C6orf62: variants seen among roughly 807,000 people sequenced by gnomAD.
C6orf62 encodes the protein uncharacterized protein C6orf62.
C6orf62 carries 16 observed loss-of-function variants against 26.8 expected under a neutral mutation model. That is an observed-to-expected ratio of 0.60 (90% CI 0.40 to 0.91). C6orf62 has a LOEUF of 0.91. Ranked by LOEUF, C6orf62 falls within the 40% of genes least tolerant of loss-of-function variation. The pLI is 0.00. For missense variants in C6orf62, 192 were observed against 271.4 expected, an observed-to-expected ratio of 0.71 and a Z score of 2.06; for synonymous variants, 112 against 91.5, an observed-to-expected ratio of 1.22 and a Z score of -1.28.
At chr6:24,711,256 A>G (rs1027013076) in intron 3 of C6orf62, among the ~76,000 whole-genome samples, 1 of 151,894 alleles carries the variant, frequency 6.6e-6, no homozygotes. Flanking sequence ...ACACACACAC[A>G]AACACACACA....
At position 24,716,328 on chromosome 6, in the gene C6orf62, G is replaced by A. The variant is rs749036183; in HGVS notation, c.130-4C>T. The A allele has an allele frequency of 6.2e-7, 1 of 1,611,102 alleles. No homozygotes were observed. Among genetic ancestry groups the A allele is most frequent in the South Asian group, 1.1e-5 (1 of 90,984 alleles). On this transcript the variant is annotated splice_region_variant and splice_polypyrimidine_tract_variant and intron_variant, in intron 1 of 4. Transcript: ENST00000378119. ...CAAAAAGTGCTGACTTTTTCTTCTA[G>A]AAGAAAAGAAAATGGTGTATTAACC...
chr6:24,713,410 T>C (rs1267756170), intron 3 of C6orf62, among the ~76,000 whole-genome samples: 2 of 152,170 alleles, frequency 1.3e-5, no homozygotes, highest in Non-Finnish European at 2.9e-5. Flanking sequence ...CGGGAGAGTA[T>C]ATCAATTTAT....
Position 24,718,719 on chromosome 6 carries a change from G to A in C6orf62, c.-51C>T, listed in dbSNP as rs1393324081. Reference sequence around the variant, plus strand: ...CTTTGGAAATTGTCACTAAACTATGGGCACTTTTTCTTAAGACTCAAGTAC... The same window carrying A: ...CTTTGGAAATTGTCACTAAACTATGAGCACTTTTTCTTAAGACTCAAGTAC... On this transcript the variant is annotated 5_prime_UTR_variant, in exon 1 of 5. Transcript: ENST00000378119. 4.4e-6 allele frequency: 7 copies of A among 1,599,610 alleles called. No individual in the cohort carries two copies. The highest frequency in any genetic ancestry group is 5.9e-6 in the Non-Finnish European group (7 of 1,176,926).
In C6orf62 at chr6:24,716,147, CCCT is replaced by C; in HGVS notation, c.304_306del (p.Arg102del). ...AAGTCAAGACTTAAGGCAGAACTTA[CCCT>C]TCTCATAGACTGATATCGAGGAGCA... On this transcript the variant is annotated inframe_deletion and splice_region_variant, in exon 2 of 5. Coordinates refer to ENST00000378119, the MANE Select transcript of C6orf62 (RefSeq NM_030939.5). The C allele has an allele frequency of 6.2e-7, 1 of 1,612,642 alleles. No individual in the cohort carries two copies. The highest frequency in any genetic ancestry group is 8.5e-7 in the Non-Finnish European group (1 of 1,179,002).
intron 1 of C6orf62, 26 bp from the exon 2 acceptor site, chr6:24,716,350 AACCC>A (rs775249754): frequency 1.7e-5 from 27 of 1,574,908 alleles, no homozygotes; most frequent in Non-Finnish European, 8.7e-7. Context: ...ATGGTGTATT[AACCC>A]ACAGGGAGCA....
rs867707383 is a variant in C6orf62 at position 24,709,417 on chromosome 6, A to G, written c.430-506T>C. 2.1e-5 allele frequency: 21 copies of G among 983,984 alleles called. No homozygotes were observed. In the African/African-American group the frequency reaches 3.5e-4, roughly 16 times the overall value. The allele number at this position is 983,984 out of a possible 1,614,324, so 61.0% of individuals were successfully genotyped here. A position where few individuals can be genotyped will look rare whatever the true frequency, so the allele number is the denominator to read the frequency against. On this transcript the variant is annotated intron_variant, in intron 3 of 4. Coordinates refer to ENST00000378119, the MANE Select transcript of C6orf62 (RefSeq NM_030939.5). ...CATTGTTAATTGCTGTTTCTAAGAA[A>G]AAAAAAAAATAAATCTGTTTATTCT...
chr6:24,707,838 C>G (rs1779039248), intron 4 of C6orf62, among the ~76,000 whole-genome samples: 2 of 149,076 alleles, frequency 1.3e-5, no homozygotes, highest in South Asian at 4.2e-4. Flanking sequence ...CCTGTCTCTA[C>G]TAAAATACAA....
rs1779294640 is a variant in C6orf62, at chr6:24,718,935, G to A, written c.-267C>T. 33 of 1,238,188 alleles carry A rather than the reference G, an allele frequency of 2.7e-5. No individual in the cohort carries two copies. Among genetic ancestry groups the A allele is most frequent in the East Asian group, 9.0e-5 (2 of 22,320 alleles). 76.7% of individuals were successfully genotyped at this position (1,238,188 alleles called of 1,614,324 possible). ...AGACGGGAAAAAGGGAGGAAAGAAA[G>A]GAAAGAAAGAGGAGAAAATAACTAA... On this transcript the variant is annotated 5_prime_UTR_variant, in exon 1 of 5. Transcript: ENST00000378119.
At position 24,709,423 on chromosome 6, in the gene C6orf62, A is replaced by AT. The variant is rs905885756; in HGVS notation, c.430-513_430-512insA. ...TAATTGCTGTTTCTAAGAAAAAAAAAAAATAAATCTGTTTATTCTAACCCT... is the reference window on the plus strand; with the variant it reads ...TAATTGCTGTTTCTAAGAAAAAAAAATAAATAAATCTGTTTATTCTAACCCT... On this transcript the variant is annotated intron_variant, in intron 3 of 4. Transcript: ENST00000378119. 47 of 984,902 alleles carry AT rather than the reference A, an allele frequency of 4.8e-5. No homozygotes were observed. In the East Asian group the frequency reaches 9.1e-4, roughly 19 times the overall value. The allele number at this position is 984,902 out of a possible 1,614,324, so 61.0% of individuals were successfully genotyped here. A position where few individuals can be genotyped will look rare whatever the true frequency, so the allele number is the denominator to read the frequency against.
chr6:24,705,969 T>G lies in C6orf62; in HGVS notation c.*168A>C. On this transcript the variant is annotated 3_prime_UTR_variant, in exon 5 of 5. Transcript: ENST00000378119. ...CGACATCTAATTTTTGTTTAAGTTCTGAGATAAAAATGATTTAAAAAAATC... is the reference window on the plus strand; with the variant it reads ...CGACATCTAATTTTTGTTTAAGTTCGGAGATAAAAATGATTTAAAAAAATC... 8 of 1,038,128 alleles carry G rather than the reference T, an allele frequency of 7.7e-6. No homozygotes were observed. Among genetic ancestry groups the G allele is most frequent in the Non-Finnish European group, 1.1e-5 (8 of 752,180 alleles). The allele number at this position is 1,038,128 out of a possible 1,614,324, so 64.3% of individuals were successfully genotyped here.
intron 3 of C6orf62, among the ~76,000 whole-genome samples, chr6:24,710,870 T>C (rs936991902): frequency 6.6e-6 from 1 of 151,982 alleles, no homozygotes; most frequent in African/African-American, 2.4e-5. Context: ...TGCACACCTG[T>C]GGTCCCAGCT....
chr6:24,716,081 G>A, intron 2 of C6orf62, 67 bp downstream of exon 2: 1 of 1,389,332 alleles, frequency 7.2e-7, no homozygotes, highest in South Asian at 1.2e-5. Flanking sequence ...GGGGGGTTCG[G>A]GGGGCGGGGA....
intron 2 of C6orf62, 74 bp downstream of exon 2, chr6:24,716,074 G>C (rs1779223523): frequency 7.7e-7 from 1 of 1,297,542 alleles, no homozygotes; most frequent in Non-Finnish European, 1.1e-6. Flanking sequence ...ACTTTAAGGG[G>C]GGTTCGGGGG....
chr6:24,720,147 G>C, upstream of C6orf62: 2 of 1,375,100 alleles, frequency 1.5e-6, no homozygotes, highest in South Asian at 3.4e-5. Context: ...GGGTGGAATT[G>C]AGGCAGCTAG....
upstream of C6orf62, chr6:24,720,439 T>G: frequency 9.2e-7 from 1 of 1,092,566 alleles, no homozygotes; most frequent in East Asian, 5.2e-5. Flanking sequence ...CTGGGACCCA[T>G]AGTCTGGCTC....
upstream of C6orf62, chr6:24,719,762 G>A (rs1031187509): frequency 2.1e-5 from 32 of 1,543,772 alleles, no homozygotes; most frequent in South Asian, 3.0e-4. Context: ...AAAGGTGGCG[G>A]GTTCTTCTCC....
intron 3 of C6orf62, chr6:24,710,239 T>G: frequency 1.0e-6 from 1 of 984,936 alleles, no homozygotes; most frequent in Non-Finnish European, 1.2e-6. Context: ...TTTCCCAGAA[T>G]AAGATGTGGT....
At chr6:24,709,301 T>C (rs1779074780) in intron 3 of C6orf62, 2 of 985,252 alleles carry the variant, frequency 2.0e-6, no homozygotes, top group African/African-American at 1.7e-5. Flanking sequence ...TCCACGATCA[T>C]AAAATTGTAT....
upstream of C6orf62, chr6:24,720,267 C>A: frequency 7.8e-7 from 1 of 1,289,438 alleles, no homozygotes; most frequent in Non-Finnish European, 9.8e-7. Flanking sequence ...GCGGGCGGAG[C>A]GGTGGCGGCG....
Sources: allele counts gnomAD v4.1 joint callset (sites outside exome capture counted in the v4.1 genomes callset), GRCh38; gene constraint gnomAD v4.1.1; transcripts MANE v1.5; gene names NCBI Gene and HGNC (gene_info 2026-07-23, HGNC 2026-07-21).